The following YTHDF2 variants were observed in gnomAD, a reference collection of about 807,000 sequenced individuals.
YTHDF2 encodes YTH domain-containing family protein 2.
Under a neutral mutation model 50.4 loss-of-function variants are expected in YTHDF2, and 2 were observed. The ratio of observed to expected loss-of-function variants is 0.04; its 90% CI spans 0.02 to 0.12. The LOEUF is 0.12. YTHDF2 is among the 10% of genes least tolerant of loss of function. The pLI is 1.00. For synonymous variants in YTHDF2, 217 were observed against 255.6 expected, an observed-to-expected ratio of 0.85 and a Z score of 1.44; for missense variants, 483 against 722.6, an observed-to-expected ratio of 0.67 and a Z score of 3.80.
Position 28,736,993 on chromosome 1 carries a change from C to T in YTHDF2, c.-128C>T. ...TGAGCCGCGCGCTGTGTCTCCGCTG[C>T]GTCCGCCGAGGCCCCCGAGTGTCAG... On this transcript the variant is annotated 5_prime_UTR_variant, in exon 1 of 5. Transcript: ENST00000373812. 4.2e-6 allele frequency: 5 copies of T among 1,203,648 alleles called. No individual in the cohort carries two copies. The highest frequency in any genetic ancestry group is 4.6e-6 in the Non-Finnish European group (4 of 862,800). 74.6% of individuals were successfully genotyped at this position (1,203,648 alleles called of 1,614,324 possible). A position where few individuals can be genotyped will look rare whatever the true frequency, so the allele number is the denominator to read the frequency against.
chr1:28,745,948 A>T (rs956626319), intron 4 of YTHDF2, among the ~76,000 whole-genome samples: 1 of 152,100 alleles, frequency 6.6e-6, no homozygotes, highest in African/African-American at 2.4e-5. Context: ...CTGAGGAAGG[A>T]GGATCCCTTG....
intron 4 of YTHDF2, among the ~76,000 whole-genome samples, chr1:28,748,293 A>G (rs565122467): frequency 1.3e-5 from 2 of 152,166 alleles, no homozygotes; most frequent in Non-Finnish European, 2.9e-5. Flanking sequence ...TACAATCTTT[A>G]TTAGGCTTTA....
chr1:28,748,135 A>T (rs2087893518), intron 4 of YTHDF2, among the ~76,000 whole-genome samples: 1 of 151,020 alleles, frequency 6.6e-6, no homozygotes, highest in Admixed American at 6.6e-5. Flanking sequence ...CTCAAAAAAA[A>T]AAAACCAAAA....
At chr1:28,745,459 C>T (rs952465123) in intron 4 of YTHDF2, among the ~76,000 whole-genome samples, 3 of 152,188 alleles carry the variant, frequency 2.0e-5, no homozygotes, top group Non-Finnish European at 4.4e-5. Context: ...TTAAGCCTGG[C>T]GTCATGGCTC....
At chr1:28,753,668 G>A (rs1229816049) in intron 4 of YTHDF2, among the ~76,000 whole-genome samples, 2 of 151,408 alleles carry the variant, frequency 1.3e-5, no homozygotes, top group African/African-American at 4.9e-5. Context: ...GGAGAGATTG[G>A]TTGGGCAAGT....
Position 28,742,748 on chromosome 1 carries a change from T to A in YTHDF2, c.478T>A (p.Leu160Ile). ...SSNYAYAPSS[L>I]GGAMIDGQSA... is the part of the protein sequence containing the mutation. The stretch of plus-strand genomic sequence containing the variant: ...CAATTATGCTTATGCACCTAGCTCC[T>A]TAGGTGGAGCCATGATTGATGGACA... The change falls in exon 4 of 5, where the codon TTA (leucine) becomes ATA (isoleucine). Residue 160 changes from leucine to isoleucine, a missense_variant. Coordinates refer to ENST00000373812, the MANE Select transcript of YTHDF2 (RefSeq NM_016258.3). 1.2e-6 allele frequency: 2 copies of A among 1,614,166 alleles called. No individual in the cohort carries two copies. Among genetic ancestry groups the A allele is most frequent in the Non-Finnish European group, 1.7e-6 (2 of 1,180,042 alleles).
chr1:28,737,816 T>C, intron 2 of YTHDF2, 134 bp downstream of exon 2: 1 of 1,033,948 alleles, frequency 9.7e-7, no homozygotes, highest in Non-Finnish European at 1.4e-6. Context: ...CACTTAAGTA[T>C]TTTGACCCTT....
chr1:28,767,244 A>G (rs1179752815), intron 4 of YTHDF2, among the ~76,000 whole-genome samples: 1 of 152,194 alleles, frequency 6.6e-6, no homozygotes, highest in African/African-American at 2.4e-5. Context: ...AAAGAGGAAC[A>G]AATTTGGTGT....
intron 4 of YTHDF2, among the ~76,000 whole-genome samples, chr1:28,760,328 T>C (rs2088102149): frequency 6.6e-6 from 1 of 151,702 alleles, no homozygotes; most frequent in South Asian, 2.1e-4. Context: ...GGAGTCTTGC[T>C]GTGTCGCCCA....
At chr1:28,764,294 C>T (rs946012187) in intron 4 of YTHDF2, among the ~76,000 whole-genome samples, 3 of 149,530 alleles carry the variant, frequency 2.0e-5, no homozygotes, top group East Asian at 2.0e-4. Flanking sequence ...TTTTTTGAGA[C>T]GGAGTTTTGC....
chr1:28,743,933 G>C lies in YTHDF2; in HGVS notation c.1663G>C (p.Asp555His). 6.3e-7 allele frequency: 1 copy of C among 1,588,648 alleles called. No homozygotes were observed. Among genetic ancestry groups the C allele is most frequent in the Non-Finnish European group, 8.6e-7 (1 of 1,169,472 alleles). ...ASYKHTTSIF[D>H]DFSHYEKRQE... Reference sequence around the variant, plus strand: ...CTACAAGCACACCACTTCCATTTTTGATGACTTCTCACACTATGAGAAACG... The same window carrying C: ...CTACAAGCACACCACTTCCATTTTTCATGACTTCTCACACTATGAGAAACG... The change falls in exon 4 of 5, where the codon GAT becomes CAT. Residue 555 changes from aspartate (D) to histidine (H), a missense_variant. Coordinates refer to ENST00000373812, the MANE Select transcript of YTHDF2 (RefSeq NM_016258.3). This position sits in a 1 kb window ranked among gnomAD's most constrained non-coding sequence, Gnocchi z 6.9.
intron 3 of YTHDF2, among the ~76,000 whole-genome samples, chr1:28,738,565 C>T (rs754205525): frequency 6.6e-6 from 1 of 152,190 alleles, no homozygotes; most frequent in African/African-American, 2.4e-5. Flanking sequence ...CTGTCTCAGC[C>T]TCCCGAGTAG....
intron 4 of YTHDF2, 34 bp downstream of exon 4, chr1:28,744,020 A>G: frequency 6.6e-7 from 1 of 1,513,786 alleles, no homozygotes; most frequent in Non-Finnish European, 8.8e-7. Flanking sequence ...ATTTTTAGGG[A>G]AGGAGGAACC....
chr1:28,746,763 A>T (rs2124175713), intron 4 of YTHDF2, among the ~76,000 whole-genome samples: 1 of 151,936 alleles, frequency 6.6e-6, no homozygotes, highest in African/African-American at 2.4e-5. Flanking sequence ...CTGTCTAAAC[A>T]AACAAGTAGC....
intron 3 of YTHDF2, chr1:28,740,440 C>T (rs1480677595): frequency 6.6e-6 from 1 of 152,076 alleles, no homozygotes; most frequent in Non-Finnish European, 1.5e-5. Context: ...AAAAATTTGG[C>T]TAATAATATA....
In YTHDF2 at chr1:28,769,551, T is replaced by C. The variant is rs2088273905; in HGVS notation, c.*599T>C. 6.5e-6 allele frequency: 1 copy of C among 152,704 alleles called. No homozygotes were observed. The highest frequency in any genetic ancestry group is 1.5e-5 in the Non-Finnish European group (1 of 68,064). The allele number at this position is 152,704 out of a possible 1,614,324, so 9.5% of individuals were successfully genotyped here. A position where few individuals can be genotyped will look rare whatever the true frequency, so the allele number is the denominator to read the frequency against. Reference sequence around the variant, plus strand: ...AAAGTACTAGGAGTCCTAAGAAATGTTCTGTTCTTGTACATTATACTGATT... The same window carrying C: ...AAAGTACTAGGAGTCCTAAGAAATGCTCTGTTCTTGTACATTATACTGATT... On this transcript the variant is annotated 3_prime_UTR_variant, in exon 5 of 5. Coordinates refer to ENST00000373812, the MANE Select transcript of YTHDF2 (RefSeq NM_016258.3).
At chr1:28,761,707 A>G (rs2088136083) in intron 4 of YTHDF2, among the ~76,000 whole-genome samples, 1 of 152,074 alleles carries the variant, frequency 6.6e-6, no homozygotes, top group African/African-American at 2.4e-5. Context: ...ATTGCATTCC[A>G]GGCAACAAGA....
chr1:28,749,889 TAA>T (rs773113455), intron 4 of YTHDF2, among the ~76,000 whole-genome samples: 17 of 150,028 alleles, frequency 1.1e-4, no homozygotes, highest in Non-Finnish European at 2.2e-4. Context: ...AGTTTTAGTC[TAA>T]AAAAAAGTCA....
chr1:28,739,994 G>A (rs887710229), intron 3 of YTHDF2, among the ~76,000 whole-genome samples: 8 of 152,180 alleles, frequency 5.3e-5, no homozygotes, highest in African/African-American at 1.9e-4. Flanking sequence ...AAACATAGTT[G>A]GTAGTCCTGA....
Sources: gnomAD v4.1 joint callset for allele counts (sites outside exome capture counted in the v4.1 genomes callset) on GRCh38, gnomAD v4.1.1 for gene constraint, Gnocchi (gnomAD v3.1) non-coding constraint, MANE v1.5 for transcripts, NCBI Gene and HGNC (gene_info 2026-07-23, HGNC 2026-07-21) for gene names.